KIF24: variants seen among roughly 807,000 people sequenced by gnomAD.
KIF24 encodes the protein kinesin-like protein KIF24.
A neutral mutation model predicts 118.9 loss-of-function variants in KIF24; 81 were observed. The ratio of observed to expected loss-of-function variants is 0.68; its 90% confidence interval spans 0.57 to 0.82. The LOEUF is 0.82. Ranked by LOEUF, KIF24 falls within the 40% of genes least tolerant of loss-of-function variation. The pLI is 0.00. For missense variants in KIF24, 1,560 were observed against 1,661.6 expected (o/e 0.94, Z 1.06); for synonymous variants, 599 against 610.0 (o/e 0.98, Z 0.27).
At chr9:34,307,876 A>G (rs988825650) in intron 2 of KIF24, among the ~76,000 whole-genome samples, 2 of 151,910 alleles carry the variant, frequency 1.3e-5, no homozygotes, top group Admixed American at 6.6e-5. Context: ...AAAAAAAAAA[A>G]AAAGAAAAAA....
chr9:34,329,097 C>T lies in KIF24; in HGVS notation c.-26+9G>A, dbSNP rs1464006742. 6.6e-6 allele frequency among the ~76,000 whole-genome samples: 1 copy of T among 152,234 alleles called. No individual in the cohort carries two copies. Among genetic ancestry groups the T allele is most frequent in the Admixed American group, 6.5e-5 (1 of 15,284 alleles). ...CTACCCCTCCTCTATTCTCCCCGCC[C>T]TTTCTCACCTCGGTCCAAACTCCTC... is the stretch of plus-strand genomic sequence containing the variant. On this transcript the variant is annotated intron_variant, in intron 1 of 12. Coordinates refer to ENST00000402558, the MANE Select transcript of KIF24 (RefSeq NM_194313.4).
chr9:34,324,003 A>C (rs1837599048), intron 1 of KIF24, among the ~76,000 whole-genome samples: 1 of 152,192 alleles, frequency 6.6e-6, no homozygotes, highest in African/African-American at 2.4e-5. Flanking sequence ...CACTAGTTTT[A>C]ACTAATCAAA....
chr9:34,272,003 G>C, intron 6 of KIF24, 73 bp from the exon 7 acceptor site: 1 of 1,418,238 alleles, frequency 7.1e-7, no homozygotes, highest in Non-Finnish European at 9.5e-7. Flanking sequence ...AGTTGGCTAA[G>C]AGCAGTAGAC....
chr9:34,259,512 C>T (rs1307391100), intron 10 of KIF24, 84 bp downstream of exon 10: 7 of 970,952 alleles, frequency 7.2e-6, no homozygotes, highest in South Asian at 2.7e-5. Context: ...CACACACACG[C>T]GTGCACACAT....
chr9:34,301,150 G>A (rs758938995), intron 3 of KIF24, among the ~76,000 whole-genome samples: 4 of 152,116 alleles, frequency 2.6e-5, no homozygotes, highest in East Asian at 3.8e-4. Context: ...AATTCATAAC[G>A]TCCTTTGCAT....
chr9:34,312,540 T>A (rs763772412), intron 1 of KIF24, among the ~76,000 whole-genome samples: 2 of 152,224 alleles, frequency 1.3e-5, no homozygotes, highest in Non-Finnish European at 2.9e-5. Flanking sequence ...AATTTCTATT[T>A]CATCTTCTTT....
chr9:34,326,897 G>A (rs1172438777), intron 1 of KIF24, among the ~76,000 whole-genome samples: 1 of 151,948 alleles, frequency 6.6e-6, no homozygotes, highest in Non-Finnish European at 1.5e-5. Flanking sequence ...CAGCAGGTGG[G>A]CAAAAGTGGA....
rs770517978 is a variant in KIF24, at chr9:34,263,183, G to T, written c.1444-11C>A. 28 of 1,608,690 alleles carry T rather than the reference G, an allele frequency of 1.7e-5. No homozygotes were observed. Among genetic ancestry groups the T allele is most frequent in the Non-Finnish European group, 2.3e-5 (27 of 1,176,030 alleles). The stretch of plus-strand genomic sequence containing the variant: ...GATACATTCCTTCAGCTGCAAAGTG[G>T]GAGAACAAGCACATCAAGTATCAAG... On this transcript the variant is annotated splice_polypyrimidine_tract_variant and intron_variant, in intron 8 of 12. Coordinates refer to ENST00000402558, the MANE Select transcript of KIF24 (RefSeq NM_194313.4).
At chr9:34,262,591 G>A (rs1294616038) in intron 9 of KIF24, among the ~76,000 whole-genome samples, 1 of 128,724 alleles carries the variant, frequency 7.8e-6, no homozygotes, top group Non-Finnish European at 1.5e-5. Context: ...CGGATCGTTT[G>A]AGCTCAGGAG....
intron 5 of KIF24, 150 bp from the exon 6 acceptor site, chr9:34,286,854 C>T: frequency 1.6e-6 from 1 of 619,052 alleles, no homozygotes; most frequent in South Asian, 1.9e-5. Flanking sequence ...ACCCCACCCT[C>T]CTGACCTCAG....
intron 2 of KIF24, among the ~76,000 whole-genome samples, chr9:34,310,376 TC>T (rs1563960270): frequency 7.4e-6 from 1 of 134,674 alleles, no homozygotes; most frequent in East Asian, 2.0e-4. Flanking sequence ...GTAATTTTTT[TC>T]TCCACTGTAG....
At chr9:34,328,987 C>T (rs944139281) in intron 1 of KIF24, among the ~76,000 whole-genome samples, 119 bp downstream of exon 1, 2 of 152,236 alleles carry the variant, frequency 1.3e-5, no homozygotes, top group South Asian at 2.1e-4. Context: ...TCTCGGTTCC[C>T]TCACAACTGC....
chr9:34,296,192 C>G (rs190068974), intron 4 of KIF24, among the ~76,000 whole-genome samples: 1 of 134,194 alleles, frequency 7.5e-6, no homozygotes, highest in African/African-American at 2.8e-5. Context: ...GCACTCCAGC[C>G]TGGGCGACAG....
chr9:34,280,207 C>A (rs1445161359), intron 6 of KIF24, among the ~76,000 whole-genome samples: 1 of 140,984 alleles, frequency 7.1e-6, no homozygotes, highest in East Asian at 2.3e-4. Context: ...TGGCGTGAAC[C>A]CGGGAGGCGG....
chr9:34,280,327 T>C (rs1291925883), intron 6 of KIF24, among the ~76,000 whole-genome samples: 2 of 130,794 alleles, frequency 1.5e-5, no homozygotes, highest in Non-Finnish European at 3.2e-5. Flanking sequence ...AACAGTGCCA[T>C]AAACTCTTCC....
At chr9:34,329,302 C>T (rs965181404), upstream of KIF24, among the ~76,000 whole-genome samples, 1 of 152,264 alleles carries the variant, frequency 6.6e-6, no homozygotes, top group South Asian at 2.1e-4. Flanking sequence ...GCCAGTCCCG[C>T]ACCGCCCACC....
chr9:34,324,142 G>C (rs952149683), intron 1 of KIF24, among the ~76,000 whole-genome samples: 2 of 152,174 alleles, frequency 1.3e-5, no homozygotes, highest in Non-Finnish European at 2.9e-5. Flanking sequence ...GTTACTTCCA[G>C]AATCCCAATG....
intron 3 of KIF24, among the ~76,000 whole-genome samples, chr9:34,298,135 G>A (rs1836556534): frequency 6.6e-6 from 1 of 152,144 alleles, no homozygotes; most frequent in South Asian, 2.1e-4. Context: ...AGGCACAGGG[G>A]AAGTATGAAC....
rs1391507001 is a variant in KIF24 at position 34,253,287 on chromosome 9, C to T, written c.*1093G>A. 1.4e-4 allele frequency: 21 copies of T among 152,232 alleles called. No individual in the cohort carries two copies. Among genetic ancestry groups the T allele is most frequent in the Non-Finnish European group, 1.5e-5 (1 of 68,048 alleles). The allele number at this position is 152,232 out of a possible 1,614,324, so 9.4% of individuals were successfully genotyped here. On this transcript the variant is annotated 3_prime_UTR_variant, in exon 13 of 13. Transcript: ENST00000402558. Reference sequence around the variant, plus strand: ...TAGTAATGGGCGTTCGGGCCAAGGCCGTGACTCATGAATCTCCATTTGACC... The same window carrying T: ...TAGTAATGGGCGTTCGGGCCAAGGCTGTGACTCATGAATCTCCATTTGACC...
Sources: allele counts gnomAD v4.1 joint callset (sites outside exome capture counted in the v4.1 genomes callset), GRCh38; gene constraint gnomAD v4.1.1; transcripts MANE v1.5; gene names NCBI Gene and HGNC (gene_info 2026-07-23, HGNC 2026-07-21).